LTF: variants seen among roughly 807,000 people sequenced by gnomAD.
LTF encodes epididymis luminal protein 110.
Under a neutral mutation model 87.2 loss-of-function variants are expected in LTF, and 91 were observed. The observed-to-expected ratio is 1.04, with a 90% CI of 0.88 to 1.24. The LOEUF (loss-of-function observed/expected upper bound fraction) is 1.24, where lower values mean the gene tolerates loss of function less well. Ranked by LOEUF, LTF falls within the 50% of genes most tolerant of loss-of-function variation. The pLI is 0.00. For missense variants in LTF, 901 were observed against 904.3 expected (o/e 1.00, Z 0.05); for synonymous variants, 378 against 356.1 (o/e 1.06, Z -0.69).
chr3:46,449,794 C>T (rs1702753236), intron 8 of LTF, 60 bp downstream of exon 8: 6 of 1,588,044 alleles, frequency 3.8e-6, no homozygotes, highest in South Asian at 3.4e-5. Flanking sequence ...AGTAGGGCCA[C>T]CTGCTGGGAA....
intron 8 of LTF, among the ~76,000 whole-genome samples, chr3:46,449,450 C>T (rs1054591330): frequency 2.6e-5 from 4 of 152,146 alleles, no homozygotes; most frequent in Non-Finnish European, 4.4e-5. Context: ...AGACTCCCAC[C>T]CCCAGCCCCC....
chr3:46,460,612 A>G (rs1032428555), intron 1 of LTF: 5 of 454,820 alleles, frequency 1.1e-5, no homozygotes, highest in African/African-American at 8.0e-5. Context: ...AATGAACATC[A>G]TACTAAAATG....
At chr3:46,439,534 G>T in intron 14 of LTF, 54 bp from the exon 15 acceptor site, 1 of 1,513,788 alleles carries the variant, frequency 6.6e-7, no homozygotes. Context: ...TAGCCAAGAA[G>T]TCTCTTCTGG....
intron 1 of LTF, among the ~76,000 whole-genome samples, chr3:46,481,562 C>G (rs1420799516): frequency 6.6e-6 from 1 of 152,210 alleles, no homozygotes; most frequent in Non-Finnish European, 1.5e-5. Flanking sequence ...TCATGATTAG[C>G]CAACATGGCG....
chr3:46,482,682 AGG>A (rs1309738112), intron 1 of LTF, among the ~76,000 whole-genome samples: 32 of 122,572 alleles, frequency 2.6e-4, no homozygotes, highest in African/African-American at 1.0e-3. Flanking sequence ...GAAGGAAGGA[AGG>A]AAGGAAGGAA....
At chr3:46,460,603 A>G (rs2106896453) in intron 1 of LTF, 1 of 455,254 alleles carries the variant, frequency 2.2e-6, no homozygotes, top group Non-Finnish European at 4.4e-6. Context: ...AAAACCTGCA[A>G]TGAACATCAT....
At chr3:46,449,124 C>T in intron 8 of LTF, 107 bp from the exon 9 acceptor site, 1 of 1,073,446 alleles carries the variant, frequency 9.3e-7, no homozygotes, top group Non-Finnish European at 1.3e-6. Flanking sequence ...ACAGGAGCTA[C>T]AGTACATGTG....
At chr3:46,448,431 G>C (rs1052561185) in intron 9 of LTF, among the ~76,000 whole-genome samples, 1 of 151,912 alleles carries the variant, frequency 6.6e-6, no homozygotes, top group Non-Finnish European at 1.5e-5. Flanking sequence ...CCCATTATAC[G>C]CTGTTTAGTG....
In LTF at chr3:46,436,092, A is replaced by T. The variant is rs1702379087; in HGVS notation, c.*103T>A. 9.2e-7 allele frequency: 1 copy of T among 1,087,864 alleles called. No homozygotes were observed. The highest frequency in any genetic ancestry group is 1.4e-6 in the Non-Finnish European group (1 of 709,146). The allele number at this position is 1,087,864 out of a possible 1,614,324, so 67.4% of individuals were successfully genotyped here. On this transcript the variant is annotated 3_prime_UTR_variant, in exon 17 of 17. Transcript: ENST00000231751. ...GTAAGCAGATGGATGGGCAATCCCCACCTTCAGCAGGGGAGGCCAAGGCCC... is the reference window on the plus strand; with the variant it reads ...GTAAGCAGATGGATGGGCAATCCCCTCCTTCAGCAGGGGAGGCCAAGGCCC...
chr3:46,444,873 T>C (rs1702608282), intron 12 of LTF, among the ~76,000 whole-genome samples: 1 of 152,084 alleles, frequency 6.6e-6, no homozygotes, highest in Admixed American at 6.5e-5. Context: ...AGAGTAAGCG[T>C]CAGTTTTGCT....
intron 13 of LTF, among the ~76,000 whole-genome samples, chr3:46,442,401 A>G (rs960084092): frequency 3.3e-5 from 5 of 152,256 alleles, no homozygotes; most frequent in African/African-American, 1.2e-4. Context: ...TAGATTCTAG[A>G]TATAATTTAA....
At position 46,441,458 on chromosome 3, in the gene LTF, C is replaced by T. The variant is rs762422805; in HGVS notation, c.1681G>A (p.Val561Ile). Residue 561 changes from valine to isoleucine, a missense_variant, in exon 14 of 17, where the codon GTT becomes ATT. Physicochemically the swap from Val to Ile is conservative, Grantham distance 29. Coordinates refer to ENST00000231751, the MANE Select transcript of LTF (RefSeq NM_002343.6). ...ACAGTGACATCTTTCACAAATGCAA[C>T]GTCTCCAGCATTCTCAGCCAGGCAC... Reference protein sequence around the residue: ...FRCLAENAGDVAFVKDVTVLQ... With the variant: ...FRCLAENAGDIAFVKDVTVLQ... 31 of 1,613,622 alleles carry T rather than the reference C, an allele frequency of 1.9e-5. No individual in the cohort carries two copies. Among genetic ancestry groups the T allele is most frequent in the East Asian group, 4.5e-5 (2 of 44,860 alleles).
chr3:46,442,110 CA>C (rs909838981), intron 13 of LTF, among the ~76,000 whole-genome samples: 7 of 151,730 alleles, frequency 4.6e-5, no homozygotes, highest in Admixed American at 2.0e-4. Flanking sequence ...CCAGAGTAAA[CA>C]AAAAGTTTGT....
intron 7 of LTF, 56 bp downstream of exon 7, chr3:46,450,439 C>A: frequency 6.5e-7 from 1 of 1,547,836 alleles, no homozygotes; most frequent in Non-Finnish European, 8.8e-7. Flanking sequence ...AAGTAAGAAA[C>A]CTTGCTCCCT....
chr3:46,457,152 A>AG (rs1294934944), intron 2 of LTF, among the ~76,000 whole-genome samples: 2 of 152,226 alleles, frequency 1.3e-5, no homozygotes, highest in African/African-American at 4.8e-5. Context: ...AGTTCCTAAC[A>AG]GGCCATCAAC....
rs1249330489 is a variant in LTF, at chr3:46,450,047, A to T, written c.883-19T>A. The T allele has an allele frequency of 6.4e-7, 1 of 1,564,560 alleles. No individual in the cohort carries two copies. Among genetic ancestry groups the T allele is most frequent in the East Asian group, 2.2e-5 (1 of 44,454 alleles). On this transcript the variant is annotated intron_variant, in intron 7 of 16. Transcript: ENST00000231751. The stretch of plus-strand genomic sequence containing the variant: ...ACTTTTCCTAATTAAGAAAAAATAG[A>T]ATTATGGTGTCAATGGTAAATAGGG...
Position 46,455,917 on chromosome 3 carries a change from G to C in LTF, c.378C>G (p.Asn126Lys), listed in dbSNP as rs146126275. ...GGCAGGACTTCAGACCTTGCAGTTCGTTCAGCTGAAAGCTGCCGCCCTTCT... is the reference window on the plus strand; with the variant it reads ...GGCAGGACTTCAGACCTTGCAGTTCCTTCAGCTGAAAGCTGCCGCCCTTCT... ...VVKKGGSFQL[N>K]ELQGLKSCHT... The change falls in exon 4 of 17, where the codon AAC becomes AAG. Residue 126 changes from asparagine (N) to lysine (K), a missense_variant. Physicochemically the swap from Asn to Lys is moderately conservative, Grantham distance 94 (BLOSUM62 0). Transcript: ENST00000231751. 32 of 1,613,128 alleles carry C rather than the reference G, an allele frequency of 2.0e-5. No individual in the cohort carries two copies. In the Admixed American group the frequency reaches 5.2e-4, roughly 26 times the overall value.
chr3:46,474,638 A>G (rs1197064927), intron 1 of LTF, among the ~76,000 whole-genome samples: 1 of 152,212 alleles, frequency 6.6e-6, no homozygotes, highest in Admixed American at 6.5e-5. Flanking sequence ...ACCCAACAAT[A>G]GCAGAATATG....
chr3:46,462,443 G>T (rs1703106606), intron 1 of LTF, among the ~76,000 whole-genome samples: 1 of 152,156 alleles, frequency 6.6e-6, no homozygotes, highest in Admixed American at 6.5e-5. Flanking sequence ...GTGGCTTGTG[G>T]AAGTTCCCAT....
Sources: allele counts gnomAD v4.1 joint callset (sites outside exome capture counted in the v4.1 genomes callset), GRCh38; gene constraint gnomAD v4.1.1; transcripts MANE v1.5; gene names NCBI Gene and HGNC (gene_info 2026-07-23, HGNC 2026-07-21).